The following RHOBTB1 variants were observed in gnomAD, a reference collection of about 807,000 sequenced individuals.
RHOBTB1 encodes the protein rho-related BTB domain-containing protein 1.
A neutral mutation model predicts 71.6 loss-of-function variants in RHOBTB1; 40 were observed. The ratio of observed to expected loss-of-function variants is 0.56; its 90% CI spans 0.43 to 0.73. The LOEUF is 0.73. Ranked by LOEUF, RHOBTB1 falls within the 30% of genes least tolerant of loss-of-function variation. The pLI, the probability that RHOBTB1 is intolerant of heterozygous loss-of-function variation, is 0.00. For synonymous variants in RHOBTB1, 319 were observed against 334.9 expected, an observed-to-expected ratio of 0.95 and a Z score of 0.52; for missense variants, 797 against 894.0, an observed-to-expected ratio of 0.89 and a Z score of 1.38.
intron 2 of RHOBTB1, among the ~76,000 whole-genome samples, chr10:60,925,848 G>A (rs2083848302): frequency 6.6e-6 from 1 of 152,162 alleles, no homozygotes; most frequent in African/African-American, 2.4e-5. Flanking sequence ...AGCCTACAAA[G>A]ATAGAGCCAT....
At chr10:60,978,002 A>C (rs928556695) in intron 2 of RHOBTB1, among the ~76,000 whole-genome samples, 8 of 152,184 alleles carry the variant, frequency 5.3e-5, no homozygotes, top group Admixed American at 4.6e-4. Flanking sequence ...AAAATGGGAA[A>C]ATAAAATGCC....
At chr10:60,881,539 C>A (rs1048696240) in intron 7 of RHOBTB1, among the ~76,000 whole-genome samples, 3 of 152,182 alleles carry the variant, frequency 2.0e-5, no homozygotes, top group African/African-American at 4.8e-5. Flanking sequence ...GAGCCTGGGG[C>A]AGGCCCAGGG....
chr10:60,882,104 C>G (rs1456938965), intron 7 of RHOBTB1, among the ~76,000 whole-genome samples: 3 of 151,776 alleles, frequency 2.0e-5, no homozygotes, highest in Non-Finnish European at 4.4e-5. Context: ...ACAGAAAGAC[C>G]TTTATTTATA....
chr10:60,888,947 G>C lies in RHOBTB1; in HGVS notation c.721C>G (p.Pro241Ala). 1 of 1,614,156 alleles carries C rather than the reference G, an allele frequency of 6.2e-7. No homozygotes were observed. ...APFLPPKAPPPVIKIPECPSM... is the reference protein window; with the variant it reads ...APFLPPKAPPAVIKIPECPSM... ...GGACACTCTGGAATTTTGATGACCG[G>C]TGGAGGGGCTTTTGGAGGTAGGAAG... Residue 241 changes from proline to alanine, a missense_variant, in exon 6 of 11, where the codon CCG becomes GCG. Transcript: ENST00000337910.
intron 7 of RHOBTB1, among the ~76,000 whole-genome samples, chr10:60,884,982 A>C (rs1362312651): frequency 6.6e-6 from 1 of 151,992 alleles, no homozygotes; most frequent in Non-Finnish European, 1.5e-5. Flanking sequence ...ACAGTGGCAC[A>C]ATCATAGCTC....
At chr10:60,933,915 A>G (rs567049182) in intron 2 of RHOBTB1, among the ~76,000 whole-genome samples, 2 of 152,320 alleles carry the variant, frequency 1.3e-5, no homozygotes, top group South Asian at 4.1e-4. Flanking sequence ...CCACTCCTTA[A>G]AACTTATGTG....
intron 2 of RHOBTB1, among the ~76,000 whole-genome samples, chr10:60,984,052 C>T (rs562578935): frequency 1.6e-4 from 25 of 152,318 alleles, no homozygotes; most frequent in African/African-American, 6.0e-4. Flanking sequence ...CTCTAACTTT[C>T]TGAATTGTTG....
intron 8 of RHOBTB1, among the ~76,000 whole-genome samples, chr10:60,877,585 A>G (rs2081106244): frequency 6.6e-6 from 1 of 152,192 alleles, no homozygotes; most frequent in Non-Finnish European, 1.5e-5. Flanking sequence ...TAATGTTGAC[A>G]AAATAGTTTT....
At chr10:60,875,611 G>A (rs1048882235) in intron 8 of RHOBTB1, among the ~76,000 whole-genome samples, 1 of 152,206 alleles carries the variant, frequency 6.6e-6, no homozygotes, top group Non-Finnish European at 1.5e-5. Context: ...TGGTGAAGAG[G>A]TTGAGTGACA....
At chr10:60,931,161 AT>A (rs1324022706) in intron 2 of RHOBTB1, among the ~76,000 whole-genome samples, 1 of 152,090 alleles carries the variant, frequency 6.6e-6, no homozygotes, top group Non-Finnish European at 1.5e-5. Flanking sequence ...TGCACGTCTT[AT>A]TTTTTTAAAA....
At chr10:60,938,936 A>G (rs2084751785) in intron 2 of RHOBTB1, among the ~76,000 whole-genome samples, 1 of 152,120 alleles carries the variant, frequency 6.6e-6, no homozygotes, top group South Asian at 2.1e-4. Flanking sequence ...TATTGTTATC[A>G]CAGCAGTCAT....
chr10:60,886,269 T>A, intron 6 of RHOBTB1, 39 bp from the exon 7 acceptor site: 1 of 1,518,884 alleles, frequency 6.6e-7, no homozygotes, highest in Non-Finnish European at 9.1e-7. Context: ...TGAGCCAACT[T>A]TGCTGAGAGC....
intron 4 of RHOBTB1, among the ~76,000 whole-genome samples, 185 bp downstream of exon 4, chr10:60,910,702 C>T (rs1332207945): frequency 6.6e-6 from 1 of 152,144 alleles, no homozygotes; most frequent in South Asian, 2.1e-4. Flanking sequence ...TGGCAGGGCA[C>T]GCTTCTTTTC....
At chr10:60,950,895 G>A (rs138429711) in intron 2 of RHOBTB1, among the ~76,000 whole-genome samples, 10 of 152,210 alleles carry the variant, frequency 6.6e-5, no homozygotes, top group African/African-American at 2.2e-4. Context: ...CCACCAAATT[G>A]TATGAGGTAG....
intron 2 of RHOBTB1, among the ~76,000 whole-genome samples, chr10:60,922,409 C>T (rs2083618646): frequency 6.6e-6 from 1 of 152,200 alleles, no homozygotes; most frequent in Non-Finnish European, 1.5e-5. Context: ...TAGCCTTAGT[C>T]TGTATGGAGC....
chr10:60,988,891 C>T (rs977000765), intron 1 of RHOBTB1, among the ~76,000 whole-genome samples: 3 of 152,172 alleles, frequency 2.0e-5, no homozygotes, highest in African/African-American at 4.8e-5. Flanking sequence ...CTATGAAAGT[C>T]GCATTTATAG....
chr10:60,951,564 G>A (rs751876265), intron 2 of RHOBTB1, among the ~76,000 whole-genome samples: 1 of 152,164 alleles, frequency 6.6e-6, no homozygotes, highest in Admixed American at 6.5e-5. Flanking sequence ...GGTCAGCATC[G>A]AAGGTGCACA....
intron 9 of RHOBTB1, among the ~76,000 whole-genome samples, chr10:60,874,597 C>G: frequency 6.6e-6 from 1 of 152,142 alleles, no homozygotes; most frequent in East Asian, 1.9e-4. Context: ...GGAGGCACTA[C>G]GGGGCTTCAT....
intron 2 of RHOBTB1, among the ~76,000 whole-genome samples, chr10:60,984,134 C>T (rs2086589050): frequency 6.6e-6 from 1 of 152,084 alleles, no homozygotes; most frequent in South Asian, 2.1e-4. Flanking sequence ...TAGGCAAGAT[C>T]AACCAGTTAA....
Sources: allele counts gnomAD v4.1 joint callset (sites outside exome capture counted in the v4.1 genomes callset), GRCh38; gene constraint gnomAD v4.1.1; transcripts MANE v1.5; gene names NCBI Gene and HGNC (gene_info 2026-07-23, HGNC 2026-07-21).